Variants in KCNN2 observed in about 807,000 individuals in gnomAD.
KCNN2 encodes potassium calcium-activated channel subfamily N member 2.
A neutral mutation model predicts 55.5 loss-of-function variants in KCNN2; 24 were observed. The ratio of observed to expected loss-of-function variants is 0.43; its 90% CI spans 0.31 to 0.61. The LOEUF (loss-of-function observed/expected upper bound fraction) is 0.61. Ranked by LOEUF, KCNN2 falls within the 20% of genes least tolerant of loss-of-function variation. KCNN2 has a pLI of 0.08. For synonymous variants in KCNN2, 431 were observed against 336.1 expected (o/e 1.28, Z -3.09); for missense variants, 754 against 853.6 (o/e 0.88, Z 1.45).
chr5:114,263,045 A>G (rs1326872959), intron 2 of KCNN2, among the ~76,000 whole-genome samples: 1 of 152,200 alleles, frequency 6.6e-6, no homozygotes, highest in Non-Finnish European at 1.5e-5. Flanking sequence ...CTTGACTTGG[A>G]ATCAGGACAA....
At chr5:114,473,295 C>A (rs1761833290) in intron 5 of KCNN2, 131 bp downstream of exon 5, 8 of 666,458 alleles carry the variant, frequency 1.2e-5, no homozygotes, top group Admixed American at 4.6e-5. Context: ...CTTGGAATCA[C>A]TTCCATTTTA....
chr5:114,220,179 T>C (rs925451121), intron 1 of KCNN2, among the ~76,000 whole-genome samples: 3 of 152,130 alleles, frequency 2.0e-5, no homozygotes, highest in Admixed American at 2.0e-4. Flanking sequence ...CTATAACATA[T>C]CTTAGGACCT....
chr5:114,334,109 T>C (rs1444767187), intron 2 of KCNN2, among the ~76,000 whole-genome samples: 4 of 152,190 alleles, frequency 2.6e-5, no homozygotes, highest in Non-Finnish European at 1.5e-5. Flanking sequence ...AATTAAGAAA[T>C]AATCTGCTGA....
intron 1 of KCNN2, among the ~76,000 whole-genome samples, chr5:114,150,243 A>C (rs1376814558): frequency 6.6e-6 from 1 of 152,192 alleles, no homozygotes; most frequent in East Asian, 1.9e-4. Flanking sequence ...CCTGACTTCA[A>C]ACTATACTAC....
intron 1 of KCNN2, among the ~76,000 whole-genome samples, chr5:114,173,237 G>A (rs1348099235): frequency 3.3e-5 from 5 of 151,870 alleles, no homozygotes; most frequent in East Asian, 1.9e-4. Context: ...ATGAGTTCAC[G>A]GTAGGTGTAT....
intron 1 of KCNN2, among the ~76,000 whole-genome samples, chr5:114,143,469 C>T (rs1752331115): frequency 6.6e-6 from 1 of 152,094 alleles, no homozygotes; most frequent in Admixed American, 6.6e-5. Flanking sequence ...TGCCTTAACC[C>T]TAAAGAGGCC....
At chr5:114,342,620 T>C (rs946367724) in intron 2 of KCNN2, among the ~76,000 whole-genome samples, 7 of 152,204 alleles carry the variant, frequency 4.6e-5, no homozygotes, top group African/African-American at 1.7e-4. Context: ...AAAACCAACA[T>C]TCTAAGATAA....
At chr5:114,270,422 T>C (rs941834785) in intron 2 of KCNN2, among the ~76,000 whole-genome samples, 2 of 152,130 alleles carry the variant, frequency 1.3e-5, no homozygotes, top group African/African-American at 4.8e-5. Flanking sequence ...AAACCACTAA[T>C]ACTGAAGATT....
At chr5:114,076,821 G>C (rs962230403) in intron 1 of KCNN2, among the ~76,000 whole-genome samples, 1 of 152,134 alleles carries the variant, frequency 6.6e-6, no homozygotes, top group African/African-American at 2.4e-5. Flanking sequence ...AGCCTCCTAA[G>C]TAGCTGGGAG....
intron 1 of KCNN2, among the ~76,000 whole-genome samples, chr5:114,076,678 GA>G (rs1235748841): frequency 6.6e-6 from 1 of 152,054 alleles, no homozygotes; most frequent in African/African-American, 2.4e-5. Flanking sequence ...GGTTTTCAAA[GA>G]ACTTTTTTAT....
chr5:114,127,918 C>T (rs1751972308), intron 1 of KCNN2, among the ~76,000 whole-genome samples: 1 of 152,130 alleles, frequency 6.6e-6, no homozygotes, highest in Non-Finnish European at 1.5e-5. Context: ...CACCTTTATT[C>T]CAGTTCCCAA....
chr5:114,056,680 C>T (rs1267576466), intron 1 of KCNN2, among the ~76,000 whole-genome samples: 1 of 152,102 alleles, frequency 6.6e-6, no homozygotes, highest in Non-Finnish European at 1.5e-5. Context: ...GTGGGTGACT[C>T]CCTTAGGCTA....
chr5:114,289,876 A>AT (rs1755845810), intron 2 of KCNN2, among the ~76,000 whole-genome samples: 1 of 151,950 alleles, frequency 6.6e-6, no homozygotes, highest in African/African-American at 2.4e-5. Flanking sequence ...CAAGTCTTTC[A>AT]TTTTCTTGGT....
At chr5:114,237,318 G>GAA (rs11296043) in intron 2 of KCNN2, among the ~76,000 whole-genome samples, 2 of 147,228 alleles carry the variant, frequency 1.4e-5, no homozygotes, top group Non-Finnish European at 3.0e-5. Flanking sequence ...ACACCCCACA[G>GAA]AAAAAAAAAA....
intron 1 of KCNN2, among the ~76,000 whole-genome samples, chr5:114,189,891 C>A (rs1580603598): frequency 6.6e-6 from 1 of 152,018 alleles, no homozygotes; most frequent in Admixed American, 6.6e-5. Context: ...TATTAAAAGT[C>A]AGTGTTTTAC....
chr5:114,250,730 G>A (rs1331457939), intron 2 of KCNN2, among the ~76,000 whole-genome samples: 2 of 152,164 alleles, frequency 1.3e-5, no homozygotes, highest in African/African-American at 4.8e-5. Context: ...AGAGTGAGCC[G>A]TCTATGGTCT....
chr5:114,236,274 G>A (rs550982507), intron 2 of KCNN2, among the ~76,000 whole-genome samples: 5 of 152,218 alleles, frequency 3.3e-5, no homozygotes, highest in African/African-American at 7.2e-5. Context: ...CAAACCAAAC[G>A]TAGCTAAGTG....
intron 2 of KCNN2, among the ~76,000 whole-genome samples, chr5:114,366,627 A>C (rs1316511869): frequency 6.6e-6 from 1 of 152,222 alleles, no homozygotes; most frequent in Non-Finnish European, 1.5e-5. Flanking sequence ...CAGGGCTGTC[A>C]AATACCTTAT....
At chr5:114,448,374 C>T (rs976848304) in intron 3 of KCNN2, among the ~76,000 whole-genome samples, 17 of 152,138 alleles carry the variant, frequency 1.1e-4, no homozygotes, top group South Asian at 2.1e-4. Context: ...GAGACAGCTT[C>T]GTTCACTACA....
Sources: gnomAD v4.1 joint callset for allele counts (sites outside exome capture counted in the v4.1 genomes callset) on GRCh38, gnomAD v4.1.1 for gene constraint, MANE v1.5 for transcripts, NCBI Gene and HGNC (gene_info 2026-07-23, HGNC 2026-07-21) for gene names.